Variants in OLFM3 observed in about 807,000 individuals in gnomAD.
OLFM3 encodes olfactomedin 3, also known as noelin-3.
OLFM3 carries 20 observed loss-of-function variants against 48.6 expected under a neutral mutation model. The ratio of observed to expected loss-of-function variants is 0.41; its 90% CI spans 0.29 to 0.60. The LOEUF is 0.60. OLFM3 is among the 20% of genes least tolerant of loss of function. The pLI is 0.28. For synonymous variants in OLFM3, 222 were observed against 198.1 expected (o/e 1.12, Z -1.01); for missense variants, 437 against 544.3 (o/e 0.80, Z 1.96).
At chr1:101,805,215 T>C (rs1481512057) in intron 5 of OLFM3, among the ~76,000 whole-genome samples, 1 of 109,662 alleles carries the variant, frequency 9.1e-6, no homozygotes, top group African/African-American at 3.4e-5. Flanking sequence ...GAACCAATCA[T>C]ATGTCAATGC....
chr1:101,948,470 A>T (rs1660025373), intron 1 of OLFM3, among the ~76,000 whole-genome samples: 1 of 151,828 alleles, frequency 6.6e-6, no homozygotes, highest in Admixed American at 6.5e-5. Flanking sequence ...AGAGAGAGAG[A>T]GAGTTTTCGC....
At chr1:101,854,282 G>C (rs566234015) in intron 1 of OLFM3, among the ~76,000 whole-genome samples, 24 of 152,062 alleles carry the variant, frequency 1.6e-4, no homozygotes, top group Non-Finnish European at 2.4e-4. Flanking sequence ...TCAGTGCTTT[G>C]CCATTTTTGC....
intron 4 of OLFM3, among the ~76,000 whole-genome samples, chr1:101,807,151 G>T (rs1194533948): frequency 6.6e-6 from 1 of 151,616 alleles, no homozygotes; most frequent in Non-Finnish European, 1.5e-5. Context: ...AGGGATACAT[G>T]TGCAGGTTTC....
chr1:101,812,517 T>C (rs954639195), intron 4 of OLFM3: 2 of 985,294 alleles, frequency 2.0e-6, no homozygotes, highest in Admixed American at 6.2e-5. Flanking sequence ...TAATCCGATG[T>C]TGATTAGTTG....
intron 1 of OLFM3, among the ~76,000 whole-genome samples, chr1:101,924,658 C>T (rs1209808664): frequency 6.6e-6 from 1 of 152,190 alleles, no homozygotes; most frequent in Non-Finnish European, 1.5e-5. Context: ...CACTTGCATC[C>T]TCCAAGTCAC....
intron 1 of OLFM3, among the ~76,000 whole-genome samples, chr1:101,925,362 GTATCA>G (rs1486863298): frequency 2.6e-5 from 4 of 151,708 alleles, no homozygotes; most frequent in Non-Finnish European, 5.9e-5. Context: ...TTAAGAAGCA[GTATCA>G]TACTCTGCAC....
intron 1 of OLFM3, among the ~76,000 whole-genome samples, chr1:101,849,007 A>G (rs1320969017): frequency 6.6e-6 from 1 of 152,194 alleles, no homozygotes; most frequent in African/African-American, 2.4e-5. Context: ...GAGAAAAACA[A>G]TACAAATGGA....
In OLFM3 at chr1:101,947,237, A is replaced by G. The variant is rs999528457; in HGVS notation, c.69+49511T>C. ...ACAATGCTTGGTTTGTTGCAAAAAT[A>G]TAATTTTAAAGTTTCACTCTATGAT... On this transcript the variant is annotated intron_variant, in intron 1 of 5. Transcript: ENST00000370103. Among the ~76,000 whole-genome samples the G allele has an allele frequency of 3.9e-5, 6 of 152,342 alleles. No homozygotes were observed. In the South Asian group the frequency reaches 6.2e-4, roughly 16 times the overall value.
chr1:101,934,820 A>G (rs544197818), intron 1 of OLFM3, among the ~76,000 whole-genome samples: 14 of 152,262 alleles, frequency 9.2e-5, no homozygotes, highest in African/African-American at 3.4e-4. Context: ...AAAACCACTC[A>G]AACTCATGCA....
chr1:101,907,607 C>T (rs934709248), intron 1 of OLFM3, among the ~76,000 whole-genome samples: 1 of 152,176 alleles, frequency 6.6e-6, no homozygotes, highest in Non-Finnish European at 1.5e-5. Flanking sequence ...CCAAATTGTA[C>T]ATTTGTAAAT....
At chr1:101,990,589 T>G (rs1460833795) in intron 1 of OLFM3, among the ~76,000 whole-genome samples, 3 of 152,322 alleles carry the variant, frequency 2.0e-5, no homozygotes, top group Non-Finnish European at 4.4e-5. Flanking sequence ...TGAAAGCCAC[T>G]TCTTATTTCA....
intron 4 of OLFM3, among the ~76,000 whole-genome samples, chr1:101,819,235 C>T (rs1306728252): frequency 3.3e-5 from 5 of 151,988 alleles, no homozygotes; most frequent in Non-Finnish European, 7.4e-5. Flanking sequence ...AATTGAGAAA[C>T]TGGAAGATTA....
At chr1:101,891,281 A>G (rs1657984308) in intron 1 of OLFM3, among the ~76,000 whole-genome samples, 1 of 152,024 alleles carries the variant, frequency 6.6e-6, no homozygotes, top group Non-Finnish European at 1.5e-5. Flanking sequence ...TGGGTTAAGC[A>G]TAGCAATTTA....
chr1:101,926,649 A>C (rs1659278063), intron 1 of OLFM3, among the ~76,000 whole-genome samples: 1 of 152,192 alleles, frequency 6.6e-6, no homozygotes, highest in African/African-American at 2.4e-5. Flanking sequence ...TGGAATTTTT[A>C]GGCTCCTCCC....
intron 1 of OLFM3, among the ~76,000 whole-genome samples, chr1:101,946,562 G>A (rs993636004): frequency 1.1e-4 from 16 of 152,160 alleles, no homozygotes; most frequent in African/African-American, 3.9e-4. Flanking sequence ...TCAAAAAGAC[G>A]ATAAGTGGCA....
intron 2 of OLFM3, among the ~76,000 whole-genome samples, chr1:101,834,446 G>A (rs1016694446): frequency 6.6e-6 from 1 of 152,192 alleles, no homozygotes; most frequent in Non-Finnish European, 1.5e-5. Flanking sequence ...GGTTAAAAGT[G>A]AAGGAGGTGC....
At chr1:101,910,135 T>A in intron 1 of OLFM3, 1 of 985,320 alleles carries the variant, frequency 1.0e-6, no homozygotes, top group African/African-American at 1.7e-5. Context: ...ATCCTCTTCA[T>A]CATCACAAGA....
At chr1:101,842,445 G>T (rs150402887) in intron 1 of OLFM3, among the ~76,000 whole-genome samples, 1 of 152,098 alleles carries the variant, frequency 6.6e-6, no homozygotes, top group Non-Finnish European at 1.5e-5. Flanking sequence ...ATGGGGGGCC[G>T]CTGAAGTGGG....
intron 1 of OLFM3, among the ~76,000 whole-genome samples, chr1:101,927,243 T>C (rs1347139561): frequency 1.3e-5 from 2 of 152,160 alleles, no homozygotes; most frequent in African/African-American, 4.8e-5. Context: ...ATATAAAATG[T>C]CATTTTTTTC....
Sources: gnomAD v4.1 joint callset for allele counts (sites outside exome capture counted in the v4.1 genomes callset) on GRCh38, gnomAD v4.1.1 for gene constraint, MANE v1.5 for transcripts, NCBI Gene and HGNC (gene_info 2026-07-23, HGNC 2026-07-21) for gene names.